ZNF200: variants seen among roughly 807,000 people sequenced by gnomAD.
ZNF200 encodes zinc finger protein 200.
In ZNF200, 35 loss-of-function variants were observed where a neutral mutation model predicts 33.6. The observed-to-expected ratio is 1.04, with a 90% CI of 0.80 to 1.38. ZNF200 has a LOEUF of 1.38. Among genes scored for constraint, ZNF200 ranks in the 40% most tolerant of loss-of-function variants. The probability of loss-of-function intolerance (pLI) is 0.00; values close to 1 mark genes in which losing one functional copy is unlikely to be tolerated. For synonymous variants in ZNF200, 209 were observed against 167.7 expected (o/e 1.25, Z -1.90); for missense variants, 592 against 470.6 (o/e 1.26, Z -2.39).
chr16:3,229,875 AGAAG>A (rs886973601), intron 4 of ZNF200, among the ~76,000 whole-genome samples: 1 of 150,060 alleles, frequency 6.7e-6, no homozygotes, highest in African/African-American at 2.4e-5. Context: ...AAAAAAAAAA[AGAAG>A]GAAACTTCCA....
rs1253434755 is a variant in ZNF200 at position 3,235,048 on chromosome 16, G to A, written c.-143C>T. On this transcript the variant is annotated 5_prime_UTR_variant, in exon 1 of 5. Transcript: ENST00000414144. ...GGACGGCTCAGAGACTCAGGCTCCG[G>A]GAGAGATAGAAAAACTAGGCGCGAG... is the stretch of plus-strand genomic sequence containing the variant. The A allele has an allele frequency of 7.2e-5, 11 of 152,208 alleles. No homozygotes were observed. The highest frequency in any genetic ancestry group is 1.2e-4 in the Non-Finnish European group (8 of 68,044). The allele number at this position is 152,208 out of a possible 1,614,324, so 9.4% of individuals were successfully genotyped here.
rs79800578 is a variant in ZNF200 at position 3,231,549 on chromosome 16, T to C, written c.466+872A>G. ...GGCCTCTGCCTCTAGGGTTGCAACA[T>C]TTCTAGAGAAAAGGTAAAGCATCTC... On this transcript the variant is annotated intron_variant, in intron 4 of 4. Transcript: ENST00000414144. 6.2e-3 allele frequency among the ~76,000 whole-genome samples: 941 copies of C among 152,312 alleles called. 12 individuals are homozygous for C. The highest frequency in any genetic ancestry group is 0.022 in the African/African-American group (903 of 41,564).
rs1400795632 is a variant in ZNF200 at position 3,233,707 on chromosome 16, A to C, written c.49T>G (p.Phe17Val). The C allele has an allele frequency of 6.2e-7, 1 of 1,613,674 alleles. No individual in the cohort carries two copies. Among genetic ancestry groups the C allele is most frequent in the East Asian group, 2.2e-5 (1 of 44,874 alleles). The change falls in exon 2 of 5, where the codon TTT becomes GTT. Residue 17 changes from phenylalanine (F) to valine (V), a missense_variant. Coordinates refer to ENST00000414144, the MANE Select transcript of ZNF200 (RefSeq NM_198088.3). ...VPMPPKPKQS[F>V]ILRVPPDSKL... ...GAGTCTGGCGGAACTCTCAGTATAA[A>C]GGACTGCTTTGGCTTTGGGGGCATA...
intron 4 of ZNF200, chr16:3,226,992 G>C (rs1216582899): frequency 6.6e-6 from 1 of 152,240 alleles, no homozygotes; most frequent in African/African-American, 2.4e-5. Context: ...GCAGGCTGGA[G>C]TGCAGTGGCG....
chr16:3,233,761 G>A lies in ZNF200; in HGVS notation c.-6C>T, dbSNP rs1291532125. On this transcript the variant is annotated 5_prime_UTR_variant, in exon 2 of 5. Transcript: ENST00000414144. ...ACCACTTTTGCAGCCATCATGCCTT[G>A]CAACCACACACCACACTCGTTTCGC... 6.2e-7 allele frequency: 1 copy of A among 1,606,780 alleles called. No individual in the cohort carries two copies. The highest frequency in any genetic ancestry group is 2.2e-5 in the East Asian group (1 of 44,734).
At chr16:3,228,641 C>T (rs904035362) in intron 4 of ZNF200, among the ~76,000 whole-genome samples, 10 of 151,856 alleles carry the variant, frequency 6.6e-5, no homozygotes, top group Non-Finnish European at 7.4e-5. Context: ...ATTACAAGCA[C>T]GCACCACCAC....
At chr16:3,229,915 C>G (rs1958590973) in intron 4 of ZNF200, among the ~76,000 whole-genome samples, 1 of 151,870 alleles carries the variant, frequency 6.6e-6, no homozygotes, top group South Asian at 2.1e-4. Flanking sequence ...GAAACTCTGT[C>G]TCAAAAAAAT....
At chr16:3,227,361 T>C (rs1958499502) in intron 4 of ZNF200, 1 of 152,256 alleles carries the variant, frequency 6.6e-6, no homozygotes, top group Non-Finnish European at 1.5e-5. Context: ...TTTCTAAATG[T>C]GCTTTTTATA....
chr16:3,232,257 T>C (rs563053606), intron 4 of ZNF200, among the ~76,000 whole-genome samples, 164 bp downstream of exon 4: 2 of 152,202 alleles, frequency 1.3e-5, no homozygotes, highest in East Asian at 3.9e-4. Context: ...ACAGCTGGAG[T>C]TCTGTGGCAA....
At chr16:3,231,761 A>T (rs1044368329) in intron 4 of ZNF200, among the ~76,000 whole-genome samples, 3 of 152,194 alleles carry the variant, frequency 2.0e-5, no homozygotes, top group African/African-American at 7.2e-5. Context: ...ATTACTGCAA[A>T]TTCTGATGTC....
intron 4 of ZNF200, among the ~76,000 whole-genome samples, chr16:3,229,645 C>T (rs1336278879): frequency 2.0e-5 from 3 of 152,072 alleles, no homozygotes; most frequent in African/African-American, 7.2e-5. Flanking sequence ...GCGGGCAGAT[C>T]ACAAGGTCAG....
chr16:3,223,721 G>A lies in ZNF200; in HGVS notation c.*171C>T. ...TAGCCCTTGAAATGTTTTCTTCCCTGTGAATTTTCTAGCAATTTGAGGTTT... is the reference window on the plus strand; with the variant it reads ...TAGCCCTTGAAATGTTTTCTTCCCTATGAATTTTCTAGCAATTTGAGGTTT... On this transcript the variant is annotated 3_prime_UTR_variant, in exon 5 of 5. Coordinates refer to ENST00000414144, the MANE Select transcript of ZNF200 (RefSeq NM_198088.3). The A allele has an allele frequency of 9.7e-7, 1 of 1,033,178 alleles. No homozygotes were observed. Among genetic ancestry groups the A allele is most frequent in the Non-Finnish European group, 1.4e-6 (1 of 727,088 alleles). 64.0% of individuals were successfully genotyped at this position (1,033,178 alleles called of 1,614,324 possible). A position where few individuals can be genotyped will look rare whatever the true frequency, so the allele number is the denominator to read the frequency against.
At chr16:3,230,756 C>T (rs1478395936) in intron 4 of ZNF200, among the ~76,000 whole-genome samples, 1 of 152,212 alleles carries the variant, frequency 6.6e-6, no homozygotes, top group Non-Finnish European at 1.5e-5. Context: ...TATATCCTCA[C>T]ATCTGAACTC....
At chr16:3,230,588 C>T (rs1958608946) in intron 4 of ZNF200, among the ~76,000 whole-genome samples, 1 of 152,206 alleles carries the variant, frequency 6.6e-6, no homozygotes, top group African/African-American at 2.4e-5. Context: ...GTTCACTTGG[C>T]CAACACACAC....
intron 4 of ZNF200, among the ~76,000 whole-genome samples, chr16:3,229,968 G>A (rs149407380): frequency 6.6e-6 from 1 of 152,228 alleles, no homozygotes; most frequent in African/African-American, 2.4e-5. Context: ...CCCAGTGATG[G>A]AGGTGGGGCC....
rs1182484364 is a variant in ZNF200 at position 3,222,557 on chromosome 16, A to G, written c.*1335T>C. On this transcript the variant is annotated 3_prime_UTR_variant, in exon 5 of 5. Transcript: ENST00000414144. ...AAATTAGAAAAATTTTCACAGGAATATAATACTCTAATAAATAGAAAGGCA... is the reference window on the plus strand; with the variant it reads ...AAATTAGAAAAATTTTCACAGGAATGTAATACTCTAATAAATAGAAAGGCA... 2.0e-5 allele frequency: 3 copies of G among 152,160 alleles called. No homozygotes were observed. Among genetic ancestry groups the G allele is most frequent in the South Asian group, 2.1e-4 (1 of 4,838 alleles). The allele number at this position is 152,160 out of a possible 1,614,324, so 9.4% of individuals were successfully genotyped here.
intron 4 of ZNF200, chr16:3,226,839 C>G (rs898923928): frequency 1.3e-5 from 2 of 152,218 alleles, no homozygotes; most frequent in Admixed American, 1.3e-4. Flanking sequence ...TATACAGGGA[C>G]TATACCATTT....
chr16:3,232,653 G>C (rs1958666744), intron 3 of ZNF200, 106 bp from the exon 4 acceptor site: 1 of 1,525,746 alleles, frequency 6.6e-7, no homozygotes, highest in African/African-American at 1.4e-5. Context: ...ATAGCAAGAG[G>C]GACCTATAAA....
Position 3,233,695 on chromosome 16 carries a change from C to T in ZNF200, c.61G>A (p.Val21Ile). Reference sequence around the variant, plus strand: ...TGGCCCAGCTTGGAGTCTGGCGGAACTCTCAGTATAAAGGACTGCTTTGGC... The same window carrying T: ...TGGCCCAGCTTGGAGTCTGGCGGAATTCTCAGTATAAAGGACTGCTTTGGC... ...PKPKQSFILR[V>I]PPDSKLGQDL... Residue 21 changes from valine (V) to isoleucine (I), a missense_variant, in exon 2 of 5, where the codon GTT (valine) becomes ATT (isoleucine). Transcript: ENST00000414144. 1 of 1,613,754 alleles carries T rather than the reference C, an allele frequency of 6.2e-7. No individual in the cohort carries two copies. The highest frequency in any genetic ancestry group is 8.5e-7 in the Non-Finnish European group (1 of 1,179,976).
Sources: allele counts gnomAD v4.1 joint callset (sites outside exome capture counted in the v4.1 genomes callset), GRCh38; gene constraint gnomAD v4.1.1; transcripts MANE v1.5; gene names NCBI Gene and HGNC (gene_info 2026-07-23, HGNC 2026-07-21).